The following NARS2 variants were observed in gnomAD, a reference collection of about 807,000 sequenced individuals.
NARS2 encodes the protein asparaginyl-tRNA synthetase 2, mitochondrial.
Under a neutral mutation model 62.9 loss-of-function variants are expected in NARS2, and 60 were observed. The observed-to-expected ratio is 0.95, with a 90% CI of 0.77 to 1.18. The LOEUF (loss-of-function observed/expected upper bound fraction) is 1.18, where lower values mean the gene tolerates loss of function less well. NARS2 is among the 50% of genes most tolerant of loss of function. The pLI, the probability that NARS2 is intolerant of heterozygous loss-of-function variation, is 0.00. For missense variants in NARS2, 619 were observed against 576.4 expected (o/e 1.07, Z -0.76); for synonymous variants, 196 against 200.0 (o/e 0.98, Z 0.17).
chr11:78,530,831 ATTTC>A (rs1861451103), intron 5 of NARS2, among the ~76,000 whole-genome samples: 1 of 152,156 alleles, frequency 6.6e-6, no homozygotes, highest in Non-Finnish European at 1.5e-5. Context: ...TTTTTCTTAC[ATTTC>A]TTTAATTCAA....
In NARS2 at chr11:78,478,590, G is replaced by A; in HGVS notation, c.916C>T (p.Gln306Ter). The change falls in exon 8 of 14, where the codon CAA becomes TAA. Residue 306 changes from glutamine (Q) to a stop codon, truncating the protein, a stop_gained. Coordinates refer to ENST00000281038, the MANE Select transcript of NARS2 (RefSeq NM_024678.6). LOFTEE classifies it high-confidence loss of function. The part of the protein sequence containing the change: ...ELCHKFIAPG[Q>*]KDRLEHMLKN... ...TTATCCATAAAACTAATTACCTTTT[G>A]GCCAGGTGCTATGAATTTGTGACAG... 6.2e-7 allele frequency: 1 copy of A among 1,600,712 alleles called. No homozygotes were observed. Among genetic ancestry groups the A allele is most frequent in the Non-Finnish European group, 8.6e-7 (1 of 1,169,580 alleles).
intron 5 of NARS2, among the ~76,000 whole-genome samples, chr11:78,538,796 C>T (rs1210999703): frequency 6.6e-6 from 1 of 151,266 alleles, no homozygotes; most frequent in Non-Finnish European, 1.5e-5. Flanking sequence ...GAGATCGAGA[C>T]CATCCTGGCT....
chr11:78,527,795 T>C (rs1446586652), intron 6 of NARS2, among the ~76,000 whole-genome samples: 1 of 152,158 alleles, frequency 6.6e-6, no homozygotes, highest in Non-Finnish European at 1.5e-5. Context: ...AACTCAGTAC[T>C]TGATGAGTCT....
At chr11:78,492,039 T>C (rs1383378547) in intron 7 of NARS2, among the ~76,000 whole-genome samples, 1 of 151,678 alleles carries the variant, frequency 6.6e-6, no homozygotes, top group Admixed American at 6.6e-5. Context: ...ATTTAACAGT[T>C]AACAATTCCT....
intron 6 of NARS2, among the ~76,000 whole-genome samples, chr11:78,513,215 A>T (rs1190670934): frequency 1.3e-5 from 2 of 152,106 alleles, no homozygotes; most frequent in Non-Finnish European, 2.9e-5. Context: ...GCACCACTGC[A>T]CTCTAGCCTG....
Position 78,436,450 on chromosome 11 carries a change from G to C in NARS2, c.*220C>G. The C allele has an allele frequency of 2.0e-6, 1 of 493,926 alleles. No individual in the cohort carries two copies. The highest frequency in any genetic ancestry group is 3.6e-6 in the Non-Finnish European group (1 of 277,526). 30.6% of individuals were successfully genotyped at this position (493,926 alleles called of 1,614,324 possible). A position where few individuals can be genotyped will look rare whatever the true frequency, so the allele number is the denominator to read the frequency against. On this transcript the variant is annotated 3_prime_UTR_variant, in exon 14 of 14. Transcript: ENST00000281038. ...AGGTAATGGATTTGAGAGTCCCCTT[G>C]CTATAAGTACCTCTTCTTGCGGGAG...
intron 7 of NARS2, among the ~76,000 whole-genome samples, chr11:78,492,134 C>CAT (rs1266589272): frequency 2.6e-5 from 4 of 151,778 alleles, no homozygotes; most frequent in East Asian, 1.9e-4. Flanking sequence ...CACACACACA[C>CAT]ATATATAGAT....
At chr11:78,536,159 T>C (rs1038729873) in intron 5 of NARS2, among the ~76,000 whole-genome samples, 2 of 152,224 alleles carry the variant, frequency 1.3e-5, no homozygotes, top group African/African-American at 4.8e-5. Context: ...AGCATGGCAT[T>C]ACTCACGTAT....
intron 6 of NARS2, among the ~76,000 whole-genome samples, chr11:78,498,267 T>C (rs1240555442): frequency 6.6e-6 from 1 of 152,216 alleles, no homozygotes. Flanking sequence ...TGATACACCT[T>C]GAAATACCCT....
chr11:78,509,047 G>A (rs1860614653), intron 6 of NARS2, among the ~76,000 whole-genome samples: 1 of 151,512 alleles, frequency 6.6e-6, no homozygotes, highest in African/African-American at 2.4e-5. Flanking sequence ...CCCAGGAGGT[G>A]GAGGTTGCAG....
At chr11:78,446,420 T>G (rs984667506) in intron 11 of NARS2, among the ~76,000 whole-genome samples, 1 of 152,228 alleles carries the variant, frequency 6.6e-6, no homozygotes, top group South Asian at 2.1e-4. Context: ...CCTTCTGTCC[T>G]CAGAGCAAGG....
At chr11:78,562,103 A>C (rs547927399) in intron 4 of NARS2, among the ~76,000 whole-genome samples, 138 of 152,290 alleles carry the variant, frequency 9.1e-4, no homozygotes, top group African/African-American at 3.2e-3. Context: ...AGGCATAGCA[A>C]TTTGGAGACA....
chr11:78,539,436 A>G (rs1199055962), intron 5 of NARS2, among the ~76,000 whole-genome samples: 1 of 152,152 alleles, frequency 6.6e-6, no homozygotes, highest in Non-Finnish European at 1.5e-5. Flanking sequence ...TCACTGAGAT[A>G]AAAAAAGAAG....
At chr11:78,541,456 A>C (rs575729646) in intron 5 of NARS2, among the ~76,000 whole-genome samples, 1 of 151,820 alleles carries the variant, frequency 6.6e-6, no homozygotes, top group African/African-American at 2.4e-5. Context: ...CACTGTGCCC[A>C]GCTCTCGCAT....
intron 5 of NARS2, among the ~76,000 whole-genome samples, chr11:78,536,996 GGTATTCA>G (rs1387398687): frequency 6.6e-5 from 10 of 152,162 alleles, no homozygotes; most frequent in Admixed American, 2.0e-4. Flanking sequence ...AGTTGCCTAG[GGTATTCA>G]GTACAGCAAC....
chr11:78,472,507 T>A (rs1565220889), intron 9 of NARS2, among the ~76,000 whole-genome samples: 1 of 152,106 alleles, frequency 6.6e-6, no homozygotes, highest in Non-Finnish European at 1.5e-5. Flanking sequence ...CATAATAATA[T>A]AAAGGAAATG....
intron 5 of NARS2, among the ~76,000 whole-genome samples, chr11:78,530,845 AC>A: frequency 6.6e-6 from 1 of 152,256 alleles, no homozygotes; most frequent in East Asian, 1.9e-4. Flanking sequence ...CTTTAATTCA[AC>A]TTATTTAAAA....
At chr11:78,507,536 T>TC (rs910200337) in intron 6 of NARS2, among the ~76,000 whole-genome samples, 10 of 151,252 alleles carry the variant, frequency 6.6e-5, no homozygotes, top group African/African-American at 2.2e-4. Context: ...TTTTTTTTTT[T>TC]TGAGACACAG....
At chr11:78,501,801 T>G (rs1395789862) in intron 6 of NARS2, among the ~76,000 whole-genome samples, 1 of 152,226 alleles carries the variant, frequency 6.6e-6, no homozygotes, top group Non-Finnish European at 1.5e-5. Context: ...CTCAATAAAT[T>G]AAACATAGAA....
Sources: allele counts gnomAD v4.1 joint callset (sites outside exome capture counted in the v4.1 genomes callset), GRCh38; gene constraint gnomAD v4.1.1; transcripts MANE v1.5; gene names NCBI Gene and HGNC (gene_info 2026-07-23, HGNC 2026-07-21).